Variants in CYFIP2 observed in about 807,000 individuals in gnomAD.
The protein encoded by CYFIP2 is cytoplasmic FMR1-interacting protein 2.
A neutral mutation model predicts 158.7 loss-of-function variants in CYFIP2; 29 were observed. The observed-to-expected ratio is 0.18, with a 90% CI of 0.14 to 0.25. The LOEUF (loss-of-function observed/expected upper bound fraction) is 0.25, where lower values mean the gene tolerates loss of function less well. Ranked by LOEUF, CYFIP2 falls within the 10% of genes least tolerant of loss-of-function variation. The pLI is 1.00. For synonymous variants in CYFIP2, 585 were observed against 617.6 expected (o/e 0.95, Z 0.78); for missense variants, 852 against 1,639.5 (o/e 0.52, Z 8.29).
chr5:157,392,634 C>A (rs1046612761), intron 30 of CYFIP2, among the ~76,000 whole-genome samples, 199 bp from the exon 31 acceptor site: 1 of 152,158 alleles, frequency 6.6e-6, no homozygotes, highest in African/African-American at 2.4e-5. Flanking sequence ...CTCTGTAGAT[C>A]GTTTTAAAAC....
chr5:157,336,054 C>T (rs1267998170), intron 21 of CYFIP2, among the ~76,000 whole-genome samples: 6 of 152,104 alleles, frequency 3.9e-5, no homozygotes, highest in African/African-American at 1.2e-4. Context: ...CTCAGGGAAG[C>T]GCTCTCCGAT....
Position 157,311,862 on chromosome 5 carries a change from C to T in CYFIP2, c.1110+81C>T. 1 of 1,293,608 alleles carries T rather than the reference C, an allele frequency of 7.7e-7. No individual in the cohort carries two copies. The highest frequency in any genetic ancestry group is 1.3e-5 in the South Asian group (1 of 75,990). 80.1% of individuals were successfully genotyped at this position (1,293,608 alleles called of 1,614,324 possible). ...AGGAGCAGCCAGGAAAGAACATGGACCCACGGAACACTGGAGAGTAGAAGG... is the reference window on the plus strand; with the variant it reads ...AGGAGCAGCCAGGAAAGAACATGGATCCACGGAACACTGGAGAGTAGAAGG... On this transcript the variant is annotated intron_variant, in intron 11 of 30. Coordinates refer to ENST00000620254, the MANE Select transcript of CYFIP2 (RefSeq NM_001037333.3). This position sits in a 1 kb window ranked among gnomAD's most constrained non-coding sequence, Gnocchi z 4.7.
chr5:157,320,757 T>G lies in CYFIP2; in HGVS notation c.1626T>G (p.Phe542Leu). 6.2e-7 allele frequency: 1 copy of G among 1,611,992 alleles called. No individual in the cohort carries two copies. Among genetic ancestry groups the G allele is most frequent in the Non-Finnish European group, 8.5e-7 (1 of 1,178,976 alleles). Reference sequence around the variant, plus strand: ...GGGAGAAGGACCCCAAAGGTGGATTTGATATCAAGGTGCCCCGGCGTGCTG... The same window carrying G: ...GGGAGAAGGACCCCAAAGGTGGATTGGATATCAAGGTGCCCCGGCGTGCTG... ...LRGEKDPKGG[F>L]DIKVPRRAVG... Residue 542 changes from phenylalanine to leucine, a missense_variant, in exon 15 of 31, where the codon TTT (phenylalanine) becomes TTG (leucine). By Grantham distance (22) the Phe-to-Leu change is conservative. Coordinates refer to ENST00000620254, the MANE Select transcript of CYFIP2 (RefSeq NM_001037333.3).
At chr5:157,370,407 TC>T (rs1764887219) in intron 26 of CYFIP2, among the ~76,000 whole-genome samples, 1 of 152,234 alleles carries the variant, frequency 6.6e-6, no homozygotes, top group South Asian at 2.1e-4. Context: ...AAAAAAATCA[TC>T]CCTTGCCATC....
chr5:157,356,808 A>AGGGT (rs1490403420), intron 23 of CYFIP2, among the ~76,000 whole-genome samples: 2 of 152,202 alleles, frequency 1.3e-5, no homozygotes, highest in Non-Finnish European at 2.9e-5. Context: ...CCCATTTGAC[A>AGGGT]GGGTGGCCTG....
intron 1 of CYFIP2, among the ~76,000 whole-genome samples, chr5:157,282,289 G>A (rs557164002): frequency 2.6e-5 from 4 of 152,324 alleles, no homozygotes; most frequent in Admixed American, 1.3e-4. Context: ...GCAGGAGCAA[G>A]AGAGTGGGCA....
chr5:157,299,766 G>A (rs1367864270), intron 5 of CYFIP2, among the ~76,000 whole-genome samples: 1 of 152,136 alleles, frequency 6.6e-6, no homozygotes, highest in African/African-American at 2.4e-5. Flanking sequence ...GCTGGGCATG[G>A]TGGTGCATGC....
intron 24 of CYFIP2, among the ~76,000 whole-genome samples, 174 bp from the exon 25 acceptor site, chr5:157,360,108 G>A (rs1763705535): frequency 1.3e-5 from 2 of 152,188 alleles, no homozygotes; most frequent in Admixed American, 1.3e-4. Context: ...CCAAGACAAC[G>A]AGAGAGCTCC....
intron 22 of CYFIP2, among the ~76,000 whole-genome samples, chr5:157,339,935 C>A (rs1425063187): frequency 6.6e-6 from 1 of 152,158 alleles, no homozygotes; most frequent in East Asian, 1.9e-4. Flanking sequence ...CAGGCCAGGG[C>A]AGGATCGTGC....
intron 23 of CYFIP2, among the ~76,000 whole-genome samples, chr5:157,351,448 TG>T (rs1763065459): frequency 6.6e-6 from 1 of 152,256 alleles, no homozygotes; most frequent in South Asian, 2.1e-4. Context: ...AGTTCAAAGA[TG>T]ACAGTAAAAC....
intron 11 of CYFIP2, among the ~76,000 whole-genome samples, chr5:157,313,655 A>G (rs758139711): frequency 1.3e-5 from 2 of 152,246 alleles, no homozygotes; most frequent in Admixed American, 6.5e-5. Flanking sequence ...AATTTTAGCC[A>G]GTAAGGGAAT....
rs1237797919 is a variant in CYFIP2 at position 157,390,575 on chromosome 5, G to A, written c.3501G>A (p.Leu1167=). ...NWAGCSIIVL[L]GQQRRFDLFD... is the part of the protein sequence containing the mutation. ...CTGGTTGCTCCATCATTGTCCTGCT[G>A]GGCCAGCAGCGTCGCTTTGACCTGT... The change falls in exon 30 of 31, where the codon CTG becomes CTA. Residue 1167 remains leucine (L), a synonymous_variant. Transcript: ENST00000620254. The A allele has an allele frequency of 6.4e-7, 1 of 1,556,004 alleles. No homozygotes were observed. Among genetic ancestry groups the A allele is most frequent in the Non-Finnish European group, 8.7e-7 (1 of 1,149,404 alleles).
chr5:157,274,148 A>C (rs1056347970), intron 1 of CYFIP2, among the ~76,000 whole-genome samples: 1 of 151,704 alleles, frequency 6.6e-6, no homozygotes, highest in Non-Finnish European at 1.5e-5. Context: ...AAAAAAAAAA[A>C]ACCGTTCAGT....
At position 157,352,603 on chromosome 5, in the gene CYFIP2, C is replaced by A. The variant is rs376758644; in HGVS notation, c.2674-6402C>A. On this transcript the variant is annotated intron_variant, in intron 23 of 30. Transcript: ENST00000620254. Reference sequence around the variant, plus strand: ...TGCAGAATTTCATCTTGTATCTCACCCCAGACAAGTCACTTCATTACACTT... The same window carrying A: ...TGCAGAATTTCATCTTGTATCTCACACCAGACAAGTCACTTCATTACACTT... Among the ~76,000 whole-genome samples the A allele has an allele frequency of 7.2e-5, 11 of 152,244 alleles. 1 individual carries two copies. Among genetic ancestry groups the A allele is most frequent in the Admixed American group, 6.5e-4 (10 of 15,296 alleles).
rs371983315 is a variant in CYFIP2, at chr5:157,296,660, T to C, written c.286-13T>C. On this transcript the variant is annotated splice_polypyrimidine_tract_variant and intron_variant, in intron 4 of 30. Transcript: ENST00000620254. ...GTAAACCAGGATGTGTGTGTCCCCA[T>C]TATCCCCCACAGGTGAAATGCAACG... 4.9e-5 allele frequency: 79 copies of C among 1,610,884 alleles called. No homozygotes were observed. The African/African-American group carries it at 9.5e-4, about 19-fold the overall frequency.
chr5:157,341,178 C>T (rs755062832), intron 23 of CYFIP2, 21 bp downstream of exon 23: 2 of 1,608,360 alleles, frequency 1.2e-6, no homozygotes, highest in Non-Finnish European at 1.7e-6. Flanking sequence ...CTGCCCTACC[C>T]TGCCTAGAAG....
intron 5 of CYFIP2, 34 bp downstream of exon 5, chr5:157,296,808 ACTGAAAAGG>A: frequency 6.5e-7 from 1 of 1,549,084 alleles, no homozygotes; most frequent in Middle Eastern, 1.7e-4. Context: ...CATCTGGAGA[ACTGAAAAGG>A]CCCCTAGTTT....
At chr5:157,331,170 T>C (rs957792817) in intron 20 of CYFIP2, among the ~76,000 whole-genome samples, 3 of 152,006 alleles carry the variant, frequency 2.0e-5, no homozygotes, top group African/African-American at 7.3e-5. Flanking sequence ...GATGGGTAAA[T>C]CTGTCCCTGA....
chr5:157,335,549 A>G (rs6896744), intron 21 of CYFIP2, among the ~76,000 whole-genome samples: 70,699 of 152,120 alleles, frequency 0.46, 18,276 homozygotes, highest in African/African-American at 0.71. Context: ...AGTCTTTTGT[A>G]TACATAGTTA....
Sources: allele counts gnomAD v4.1 joint callset (sites outside exome capture counted in the v4.1 genomes callset), GRCh38; gene constraint gnomAD v4.1.1; non-coding constraint Gnocchi (gnomAD v3.1); transcripts MANE v1.5; gene names NCBI Gene and HGNC (gene_info 2026-07-23, HGNC 2026-07-21).